Variants in HEBP2 observed in about 807,000 individuals in gnomAD.
HEBP2 encodes the protein heme-binding protein 2.
A neutral mutation model predicts 23.1 loss-of-function variants in HEBP2; 27 were observed. The observed-to-expected ratio is 1.17, with a 90% CI of 0.86 to 1.61. HEBP2 has a LOEUF of 1.61. Ranked by LOEUF, HEBP2 falls within the 40% of genes most tolerant of loss-of-function variation. The pLI, the probability that HEBP2 is intolerant of heterozygous loss-of-function variation, is 0.00. For missense variants in HEBP2, 245 were observed against 253.8 expected, an observed-to-expected ratio of 0.97 and a Z score of 0.24; for synonymous variants, 99 against 95.1, an observed-to-expected ratio of 1.04 and a Z score of -0.24.
chr6:138,406,864 CA>C (rs1305093014), intron 3 of HEBP2, among the ~76,000 whole-genome samples: 1 of 151,958 alleles, frequency 6.6e-6, no homozygotes, highest in Non-Finnish European at 1.5e-5. Context: ...CCATCTCTAC[CA>C]AATGTATATA....
chr6:138,407,173 C>A (rs1371843869), intron 3 of HEBP2, among the ~76,000 whole-genome samples: 1 of 152,170 alleles, frequency 6.6e-6, no homozygotes, highest in Non-Finnish European at 1.5e-5. Context: ...TTAATTCATT[C>A]CAGCAAAAGC....
At chr6:138,410,264 A>G (rs532531168) in intron 3 of HEBP2, among the ~76,000 whole-genome samples, 1 of 152,352 alleles carries the variant, frequency 6.6e-6, no homozygotes, top group South Asian at 2.1e-4. Flanking sequence ...GGCAAGCACC[A>G]TATATGTTGT....
rs780575567 is a variant in HEBP2 at position 138,405,997 on chromosome 6, G to A, written c.265G>A (p.Val89Met). 59 of 1,612,958 alleles carry A rather than the reference G, an allele frequency of 3.7e-5. No homozygotes were observed. The highest frequency in any genetic ancestry group is 4.9e-5 in the Non-Finnish European group (58 of 1,179,702). Reference sequence around the variant, plus strand: ...GATGAAAATAAAGATGACAGCTCCAGTGACAAGCTACGTGGAGCCTGGTTC... The same window carrying A: ...GATGAAAATAAAGATGACAGCTCCAATGACAAGCTACGTGGAGCCTGGTTC... ...KEMKIKMTAPVTSYVEPGSGP... is the reference protein window; with the variant it reads ...KEMKIKMTAPMTSYVEPGSGP... The change falls in exon 3 of 4, where the codon GTG becomes ATG. Residue 89 changes from valine to methionine, a missense_variant. Transcript: ENST00000607197.
intron 3 of HEBP2, among the ~76,000 whole-genome samples, chr6:138,408,471 C>A (rs376342853): frequency 6.6e-6 from 1 of 152,168 alleles, no homozygotes; most frequent in Non-Finnish European, 1.5e-5. Context: ...AACAAATGTT[C>A]CTCATTTCCA....
intron 3 of HEBP2, 24 bp downstream of exon 3, chr6:138,406,175 C>T: frequency 6.2e-7 from 1 of 1,602,420 alleles, no homozygotes; most frequent in African/African-American, 1.3e-5. Context: ...AATTTATAGC[C>T]TTGCTGACTG....
rs1348285586 is a variant in HEBP2 at position 138,404,313 on chromosome 6, C to A, written c.-183C>A. On this transcript the variant is annotated 5_prime_UTR_variant, in exon 1 of 4. Coordinates refer to ENST00000607197, the MANE Select transcript of HEBP2 (RefSeq NM_014320.3). ...GCCGGCCCCGCCTTGGTGGCGGCGC[C>A]CCCTCGCGGTCCAGAGGCAGACGCA... The A allele has an allele frequency of 1.1e-5, 4 of 353,244 alleles. No homozygotes were observed. Among genetic ancestry groups the A allele is most frequent in the Non-Finnish European group, 2.0e-5 (4 of 200,940 alleles). The allele number at this position is 353,244 out of a possible 1,614,324, so 21.9% of individuals were successfully genotyped here.
Position 138,404,406 on chromosome 6 carries a change from C to A in HEBP2, c.-90C>A. On this transcript the variant is annotated 5_prime_UTR_variant, in exon 1 of 4. Transcript: ENST00000607197. ...GGGTCTGCGGAGCGGGGACTCGGGG[C>A]CTCGGCGGGGCGCGCACACGCAGGC... is the stretch of plus-strand genomic sequence containing the variant. 2 of 859,272 alleles carry A rather than the reference C, an allele frequency of 2.3e-6. No individual in the cohort carries two copies. The highest frequency in any genetic ancestry group is 3.0e-6 in the Non-Finnish European group (2 of 657,510). 53.2% of individuals were successfully genotyped at this position (859,272 alleles called of 1,614,324 possible). A position where few individuals can be genotyped will look rare whatever the true frequency, so the allele number is the denominator to read the frequency against.
In HEBP2 at chr6:138,420,628, T is replaced by C. The variant is rs1409926499; in HGVS notation, c.*7550T>C. 6.6e-6 allele frequency: 1 copy of C among 152,258 alleles called. No individual in the cohort carries two copies. The highest frequency in any genetic ancestry group is 2.4e-5 in the African/African-American group (1 of 41,446). The allele number at this position is 152,258 out of a possible 1,614,324, so 9.4% of individuals were successfully genotyped here. On this transcript the variant is annotated 3_prime_UTR_variant, in exon 4 of 4. Transcript: ENST00000607197. The stretch of plus-strand genomic sequence containing the variant: ...CACTAAATTATGGAAATTGAGAGCA[T>C]GCTTTTCTGAGGGGGCCCTCTTGCC...
rs1313862715 is a variant in HEBP2 at position 138,405,270 on chromosome 6, A to G, written c.228A>G (p.Lys76=). Residue 76 remains lysine, a synonymous_variant, in exon 2 of 4, where the codon AAA becomes AAG. Transcript: ENST00000607197. ...AACTGAACAGCTACATTCAAGGCAA[A>G]AACGAGAAAGGTAAAAGCAGTTTTC... The part of the protein sequence containing the change: ...FTKLNSYIQG[K]NEKEMKIKMT... 1 of 1,614,184 alleles carries G rather than the reference A, an allele frequency of 6.2e-7. No homozygotes were observed. Among genetic ancestry groups the G allele is most frequent in the South Asian group, 1.1e-5 (1 of 91,070 alleles).
chr6:138,408,495 G>C (rs61257964), intron 3 of HEBP2, among the ~76,000 whole-genome samples: 23,174 of 151,932 alleles, frequency 0.15, 3,095 homozygotes, highest in African/African-American at 0.36. Context: ...GAGACCTTAT[G>C]AGAATGGCCT....
chr6:138,410,244 G>C (rs1774721597), intron 3 of HEBP2, among the ~76,000 whole-genome samples: 1 of 152,148 alleles, frequency 6.6e-6, no homozygotes, highest in African/African-American at 2.4e-5. Flanking sequence ...AGGCACGTGG[G>C]GGTGAGGGAG....
intron 3 of HEBP2, among the ~76,000 whole-genome samples, chr6:138,411,606 C>T (rs931462433): frequency 1.3e-5 from 2 of 152,176 alleles, no homozygotes; most frequent in African/African-American, 2.4e-5. Context: ...TCTCCTTACC[C>T]CAGATTTAAT....
In HEBP2 at chr6:138,404,599, T is replaced by C. The variant is rs1409529418; in HGVS notation, c.102+2T>C. On this transcript the variant is annotated splice_donor_variant, in intron 1 of 3. Coordinates refer to ENST00000607197, the MANE Select transcript of HEBP2 (RefSeq NM_014320.3). LOFTEE classifies it high-confidence loss of function. Reference sequence around the variant, plus strand: ...GCCCCGGAGGACGCCGGCCCCCAGGTAGGCGCCGACTCGGGAGCGGAGGGG... The same window carrying C: ...GCCCCGGAGGACGCCGGCCCCCAGGCAGGCGCCGACTCGGGAGCGGAGGGG... 7.8e-7 allele frequency: 1 copy of C among 1,275,770 alleles called. No homozygotes were observed. Among genetic ancestry groups the C allele is most frequent in the Non-Finnish European group, 9.9e-7 (1 of 1,010,666 alleles). The allele number at this position is 1,275,770 out of a possible 1,614,324, so 79.0% of individuals were successfully genotyped here. A position where few individuals can be genotyped will look rare whatever the true frequency, so the allele number is the denominator to read the frequency against.
rs1774799111 is a variant in HEBP2 at position 138,414,042 on chromosome 6, G to A, written c.*964G>A. 6.6e-6 allele frequency: 1 copy of A among 152,260 alleles called. No homozygotes were observed. The highest frequency in any genetic ancestry group is 1.5e-5 in the Non-Finnish European group (1 of 68,082). The allele number at this position is 152,260 out of a possible 1,614,324, so 9.4% of individuals were successfully genotyped here. On this transcript the variant is annotated 3_prime_UTR_variant, in exon 4 of 4. Transcript: ENST00000607197. ...GGTAGAGTGTGGTTAGGTAGGGTGT[G>A]GTGGACATCACATAAGGTGGTCAGC... is the stretch of plus-strand genomic sequence containing the variant.
intron 3 of HEBP2, among the ~76,000 whole-genome samples, chr6:138,411,082 A>C (rs773484522): frequency 3.9e-5 from 6 of 152,226 alleles, no homozygotes; most frequent in Non-Finnish European, 8.8e-5. Context: ...CTTATACCAA[A>C]GAAGGCATAT....
At position 138,417,750 on chromosome 6, in the gene HEBP2, T is replaced by A. The variant is rs1379169112; in HGVS notation, c.*4672T>A. On this transcript the variant is annotated 3_prime_UTR_variant, in exon 4 of 4. Coordinates refer to ENST00000607197, the MANE Select transcript of HEBP2 (RefSeq NM_014320.3). The stretch of plus-strand genomic sequence containing the variant: ...TCTGCAGTGGGTCCCCTGGAGTCCT[T>A]GGTTGAGTGAAGGTGTTAGAAGAAA... The A allele has an allele frequency of 6.6e-6, 1 of 152,230 alleles. No homozygotes were observed. Among genetic ancestry groups the A allele is most frequent in the Non-Finnish European group, 1.5e-5 (1 of 68,030 alleles). 9.4% of individuals were successfully genotyped at this position (152,230 alleles called of 1,614,324 possible). A position where few individuals can be genotyped will look rare whatever the true frequency, so the allele number is the denominator to read the frequency against.
At chr6:138,407,251 T>G (rs1392595930) in intron 3 of HEBP2, among the ~76,000 whole-genome samples, 1 of 152,154 alleles carries the variant, frequency 6.6e-6, no homozygotes, top group African/African-American at 2.4e-5. Flanking sequence ...TGCGGCCGAT[T>G]CCCCTCCATC....
rs958633612 is a variant in HEBP2, at chr6:138,417,004, T to G, written c.*3926T>G. The G allele has an allele frequency of 6.6e-6, 1 of 152,116 alleles. No homozygotes were observed. The highest frequency in any genetic ancestry group is 1.5e-5 in the Non-Finnish European group (1 of 68,032). The allele number at this position is 152,116 out of a possible 1,614,324, so 9.4% of individuals were successfully genotyped here. A position where few individuals can be genotyped will look rare whatever the true frequency, so the allele number is the denominator to read the frequency against. On this transcript the variant is annotated 3_prime_UTR_variant, in exon 4 of 4. Coordinates refer to ENST00000607197, the MANE Select transcript of HEBP2 (RefSeq NM_014320.3). ...TCTTTTTCTAAAGGATCTATGGCCA[T>G]TTACTCAGGTGGCTCTACCCTGGGG...
Position 138,413,053 on chromosome 6 carries a change from A to C in HEBP2, c.593A>C (p.Asn198Thr), listed in dbSNP as rs761019557. 1.8e-5 allele frequency: 29 copies of C among 1,613,726 alleles called. No individual in the cohort carries two copies. The Middle Eastern group carries it at 5.0e-4, about 28-fold the overall frequency. The change falls in exon 4 of 4, where the codon AAT becomes ACT. Residue 198 changes from asparagine to threonine, a missense_variant. Transcript: ENST00000607197. ...RNNEVWLIQK[N>T]EPTKENE is the part of the protein sequence containing the mutation. ...AATGAAGTGTGGTTGATTCAAAAAA[A>C]TGAACCCACCAAAGAAAACGAATGA...
Sources: allele counts gnomAD v4.1 joint callset (sites outside exome capture counted in the v4.1 genomes callset), GRCh38; gene constraint gnomAD v4.1.1; transcripts MANE v1.5; gene names NCBI Gene and HGNC (gene_info 2026-07-23, HGNC 2026-07-21).